The following ARHGEF12 variants were observed in gnomAD, a reference collection of about 807,000 sequenced individuals.
ARHGEF12 encodes Rho guanine nucleotide exchange factor 12, also known as KMT2A/ARHGEF12 fusion protein.
In ARHGEF12, 66 loss-of-function variants were observed where a neutral mutation model predicts 211.2. The observed-to-expected ratio is 0.31, with a 90% CI of 0.26 to 0.38. ARHGEF12 has a LOEUF of 0.38. Ranked by LOEUF, ARHGEF12 falls within the 10% of genes least tolerant of loss-of-function variation. The pLI is 1.00. For synonymous variants in ARHGEF12, 592 were observed against 638.4 expected, an observed-to-expected ratio of 0.93 and a Z score of 1.09; for missense variants, 1,429 against 1,869.5, an observed-to-expected ratio of 0.76 and a Z score of 4.34.
chr11:120,466,948 G>A (rs1946721386), intron 28 of ARHGEF12, among the ~76,000 whole-genome samples: 1 of 152,196 alleles, frequency 6.6e-6, no homozygotes, highest in African/African-American at 2.4e-5. Flanking sequence ...AGCTGCTTAT[G>A]GATGCTTTCA....
intron 1 of ARHGEF12, among the ~76,000 whole-genome samples, chr11:120,395,111 C>A (rs1944342850): frequency 7.0e-6 from 1 of 143,578 alleles, no homozygotes; most frequent in African/African-American, 2.6e-5. Context: ...AGCTTTATGG[C>A]AATAAATTTA....
At chr11:120,362,137 T>C (rs887219232) in intron 1 of ARHGEF12, among the ~76,000 whole-genome samples, 1 of 152,224 alleles carries the variant, frequency 6.6e-6, no homozygotes, top group African/African-American at 2.4e-5. Flanking sequence ...TCAAATTGGC[T>C]GAATACATTT....
At chr11:120,455,405 A>G (rs553840624) in intron 22 of ARHGEF12, among the ~76,000 whole-genome samples, 44 of 152,322 alleles carry the variant, frequency 2.9e-4, no homozygotes, top group African/African-American at 1.0e-3. Flanking sequence ...ATAACACTGG[A>G]TGCTGAAATA....
chr11:120,393,717 A>G (rs1423375910), intron 1 of ARHGEF12, among the ~76,000 whole-genome samples: 1 of 152,220 alleles, frequency 6.6e-6, no homozygotes, highest in Non-Finnish European at 1.5e-5. Context: ...ATCTACAAAC[A>G]TTGTCAGTTA....
intron 14 of ARHGEF12, 112 bp downstream of exon 14, chr11:120,441,929 A>C (rs1323044208): frequency 9.8e-7 from 1 of 1,024,724 alleles, no homozygotes; most frequent in Non-Finnish European, 1.5e-6. Flanking sequence ...TTTCCGTATA[A>C]AGACAGATAC....
intron 4 of ARHGEF12, among the ~76,000 whole-genome samples, chr11:120,414,450 T>C (rs1289336906): frequency 2.6e-5 from 4 of 152,170 alleles, no homozygotes; most frequent in Non-Finnish European, 5.9e-5. Flanking sequence ...TTCCTTTGTG[T>C]ATAAAATTCA....
intron 1 of ARHGEF12, among the ~76,000 whole-genome samples, chr11:120,371,705 A>G (rs1003760459): frequency 1.4e-4 from 21 of 152,222 alleles, no homozygotes; most frequent in African/African-American, 4.8e-4. Context: ...TATGAGGGCT[A>G]ATACAGCCAT....
At chr11:120,352,803 C>T (rs548283598) in intron 1 of ARHGEF12, among the ~76,000 whole-genome samples, 6 of 152,324 alleles carry the variant, frequency 3.9e-5, no homozygotes, top group East Asian at 1.9e-4. Context: ...GGATCTGTTA[C>T]GTGTACTTGT....
In ARHGEF12 at chr11:120,337,240, C is replaced by T. The variant is rs201108097; in HGVS notation, c.-4C>T. 48 of 1,613,912 alleles carry T rather than the reference C, an allele frequency of 3.0e-5. No individual in the cohort carries two copies. The highest frequency in any genetic ancestry group is 3.7e-5 in the Non-Finnish European group (44 of 1,180,026). On this transcript the variant is annotated 5_prime_UTR_variant, in exon 1 of 41. Coordinates refer to ENST00000397843, the MANE Select transcript of ARHGEF12 (RefSeq NM_015313.3). The stretch of plus-strand genomic sequence containing the variant: ...AAAAGGAGGACCTCTCGCCAAGGGC[C>T]CCAATGAGTGGCACACAGTCTACTA...
intron 1 of ARHGEF12, chr11:120,337,669 C>A: frequency 1.0e-6 from 1 of 985,402 alleles, no homozygotes; most frequent in Non-Finnish European, 1.2e-6. Context: ...GCAGTAGATT[C>A]TCAAGACAAT....
At chr11:120,360,579 A>T (rs1367041674) in intron 1 of ARHGEF12, among the ~76,000 whole-genome samples, 1 of 152,032 alleles carries the variant, frequency 6.6e-6, no homozygotes, top group Non-Finnish European at 1.5e-5. Context: ...TTTTGTAGAG[A>T]TGAGGTTTCA....
At chr11:120,427,524 G>A (rs1330446810) in intron 7 of ARHGEF12, among the ~76,000 whole-genome samples, 2 of 150,914 alleles carry the variant, frequency 1.3e-5, no homozygotes, top group Non-Finnish European at 2.9e-5. Flanking sequence ...GCAACATGGC[G>A]AAACCCTATC....
At chr11:120,481,890 G>T (rs941687338) in intron 39 of ARHGEF12, among the ~76,000 whole-genome samples, 1 of 151,690 alleles carries the variant, frequency 6.6e-6, no homozygotes, top group East Asian at 1.9e-4. Flanking sequence ...CTCCCAAGCA[G>T]CTGGGACTAC....
chr11:120,478,359 G>A lies in ARHGEF12; in HGVS notation c.3736G>A (p.Glu1246Lys). 1 of 1,614,216 alleles carries A rather than the reference G, an allele frequency of 6.2e-7. No individual in the cohort carries two copies. Among genetic ancestry groups the A allele is most frequent in the Non-Finnish European group, 8.5e-7 (1 of 1,180,032 alleles). The part of the protein sequence containing the change: ...IPDSHLPVSE[E>K]RWALDALRNL... ...AGATTCACACCTGCCTGTCTCAGAA[G>A]AACGGTGGGCATTGGATGCACTAAG... The change falls in exon 37 of 41, where the codon GAA becomes AAA. Residue 1246 changes from glutamate to lysine, a missense_variant. Coordinates refer to ENST00000397843, the MANE Select transcript of ARHGEF12 (RefSeq NM_015313.3).
At position 120,446,473 on chromosome 11, in the gene ARHGEF12, C is replaced by A. The variant is rs552681231; in HGVS notation, c.1416C>A (p.Val472=). ...ATATCCAAACTATGCAAGAAAGAGT[C>A]CATCCAGAAGTTCAAAGGCACTTAG... is the stretch of plus-strand genomic sequence containing the variant. The part of the protein sequence containing the change: ...RHYIQTMQER[V]HPEVQRHLED... Residue 472 remains valine, a synonymous_variant, in exon 17 of 41, where the codon GTC becomes GTA. Transcript: ENST00000397843. 16 of 1,613,238 alleles carry A rather than the reference C, an allele frequency of 9.9e-6. No homozygotes were observed. The African/African-American group carries it at 1.2e-4, about 12-fold the overall frequency.
intron 1 of ARHGEF12, among the ~76,000 whole-genome samples, chr11:120,401,435 T>G (rs1473920215): frequency 6.6e-6 from 1 of 152,226 alleles, no homozygotes; most frequent in African/African-American, 2.4e-5. Context: ...TTTGTTATTT[T>G]GTGAAAAATA....
At chr11:120,480,523 G>A (rs1947203383) in intron 38 of ARHGEF12, 93 bp downstream of exon 38, 2 of 1,035,800 alleles carry the variant, frequency 1.9e-6, no homozygotes, top group Non-Finnish European at 2.7e-6. Flanking sequence ...GTATCCAGGT[G>A]TGTGTGTGTG....
chr11:120,448,565 C>A, intron 20 of ARHGEF12: 1 of 543,342 alleles, frequency 1.8e-6, no homozygotes, highest in Non-Finnish European at 3.2e-6. Flanking sequence ...GTGAAATTAG[C>A]AGTTTACAAA....
Position 120,480,236 on chromosome 11 carries a change from G to A in ARHGEF12, c.4043G>A (p.Ser1348Asn). The A allele has an allele frequency of 6.2e-7, 1 of 1,614,176 alleles. No homozygotes were observed. Among genetic ancestry groups the A allele is most frequent in the Non-Finnish European group, 8.5e-7 (1 of 1,180,020 alleles). ...TCAGTGGGACTGGCACCCCAGGATA[G>A]CCAGGCAAGTAACATTTTAGTAATG... ...RDSVGLAPQD[S>N]QASNILVMDH... is the part of the protein sequence containing the mutation. Residue 1348 changes from serine (S) to asparagine (N), a missense_variant, in exon 38 of 41, where the codon AGC becomes AAC. Around this residue, in one of 7 missense-constraint regions of ARHGEF12, gnomAD observed 467 missense variants for 468.4 expected, o/e 1.00. Coordinates refer to ENST00000397843, the MANE Select transcript of ARHGEF12 (RefSeq NM_015313.3).
Sources: allele counts gnomAD v4.1 joint callset (sites outside exome capture counted in the v4.1 genomes callset), GRCh38; gene constraint gnomAD v4.1.1; regional missense constraint gnomAD v4.1.1; transcripts MANE v1.5; gene names NCBI Gene and HGNC (gene_info 2026-07-23, HGNC 2026-07-21).